DACH1: variants seen among roughly 807,000 people sequenced by gnomAD.
DACH1 encodes dachshund family transcription factor 1.
Under a neutral mutation model 54.2 loss-of-function variants are expected in DACH1, and 12 were observed. The ratio of observed to expected loss-of-function variants is 0.22; its 90% CI spans 0.14 to 0.36. The LOEUF (loss-of-function observed/expected upper bound fraction) is 0.36, where lower values mean the gene tolerates loss of function less well. Among genes scored for constraint, DACH1 ranks in the 10% least tolerant of loss-of-function variants. The probability of loss-of-function intolerance (pLI) is 1.00; values close to 1 mark genes in which losing one functional copy is unlikely to be tolerated. For synonymous variants in DACH1, 386 were observed against 366.2 expected (o/e 1.05, Z -0.62); for missense variants, 805 against 929.8 (o/e 0.87, Z 1.75).
chr13:71,541,497 T>A (rs1475993896), intron 6 of DACH1, among the ~76,000 whole-genome samples: 1 of 152,210 alleles, frequency 6.6e-6, no homozygotes, highest in Non-Finnish European at 1.5e-5. Flanking sequence ...AGAAATAAAT[T>A]CATTGCTTGA....
chr13:71,598,019 A>G (rs1341950150), intron 3 of DACH1, among the ~76,000 whole-genome samples: 5 of 151,346 alleles, frequency 3.3e-5, no homozygotes, highest in African/African-American at 1.2e-4. Flanking sequence ...GGCAGAGGTT[A>G]CAGTGAGCCC....
intron 7 of DACH1, 88 bp downstream of exon 7, chr13:71,488,909 T>A (rs1878758668): frequency 7.8e-7 from 1 of 1,282,852 alleles, no homozygotes; most frequent in Admixed American, 2.2e-5. Flanking sequence ...TCTAATGGGA[T>A]TAAGTAGGAA....
At chr13:71,628,664 T>C (rs755313894) in intron 3 of DACH1, among the ~76,000 whole-genome samples, 6 of 152,008 alleles carry the variant, frequency 3.9e-5, no homozygotes, top group Non-Finnish European at 7.4e-5. Flanking sequence ...CAAAAGAAAA[T>C]TCAAATTGTT....
At chr13:71,750,865 A>T (rs1320493856) in intron 1 of DACH1, among the ~76,000 whole-genome samples, 1 of 152,204 alleles carries the variant, frequency 6.6e-6, no homozygotes, top group African/African-American at 2.4e-5. Flanking sequence ...AAACACACAC[A>T]TTGTTGTCCA....
chr13:71,557,294 A>G (rs1884317931), intron 5 of DACH1, 136 bp from the exon 6 acceptor site: 1 of 584,850 alleles, frequency 1.7e-6, no homozygotes, highest in South Asian at 7.2e-5. Flanking sequence ...CTTTAAATTT[A>G]TAATCTATCC....
intron 1 of DACH1, among the ~76,000 whole-genome samples, chr13:71,852,901 A>G (rs1873765131): frequency 6.6e-6 from 1 of 152,190 alleles, no homozygotes; most frequent in African/African-American, 2.4e-5. Context: ...TATTCAGCAT[A>G]TCAATCCTAA....
chr13:71,612,821 A>C (rs973459286), intron 3 of DACH1, among the ~76,000 whole-genome samples: 4 of 152,252 alleles, frequency 2.6e-5, no homozygotes, highest in African/African-American at 7.2e-5. Flanking sequence ...AAGCATCTAG[A>C]GGAATTCCAT....
chr13:71,776,558 A>C (rs1886073209), intron 1 of DACH1, among the ~76,000 whole-genome samples: 1 of 152,140 alleles, frequency 6.6e-6, no homozygotes, highest in South Asian at 2.1e-4. Flanking sequence ...TGCTATAATA[A>C]GCAATAAAAA....
intron 1 of DACH1, among the ~76,000 whole-genome samples, chr13:71,711,022 C>G (rs751178732): frequency 6.6e-6 from 1 of 152,042 alleles, no homozygotes; most frequent in Non-Finnish European, 1.5e-5. Flanking sequence ...AATTATGTCT[C>G]TTTATTGATG....
At chr13:71,761,660 G>A (rs1461194149) in intron 1 of DACH1, among the ~76,000 whole-genome samples, 3 of 152,084 alleles carry the variant, frequency 2.0e-5, no homozygotes, top group African/African-American at 4.8e-5. Context: ...TTAAATGCAG[G>A]TTTTGATCCA....
intron 7 of DACH1, among the ~76,000 whole-genome samples, chr13:71,486,187 A>G (rs1878487675): frequency 6.6e-6 from 1 of 151,968 alleles, no homozygotes; most frequent in African/African-American, 2.4e-5. Flanking sequence ...ATTGATCATT[A>G]GAACAATAAC....
chr13:71,748,208 T>A (rs1410719022), intron 1 of DACH1, among the ~76,000 whole-genome samples: 8 of 150,808 alleles, frequency 5.3e-5, no homozygotes, highest in Admixed American at 5.3e-4. Flanking sequence ...CAAACAATGT[T>A]GAGGGGGGGA....
chr13:71,759,380 AC>A (rs146059654), intron 1 of DACH1, among the ~76,000 whole-genome samples: 3,539 of 152,026 alleles, frequency 0.023, 130 homozygotes, highest in African/African-American at 0.079. Context: ...ATTCCCCCCA[AC>A]CCCCACGCTG....
intron 9 of DACH1, 88 bp from the exon 10 acceptor site, chr13:71,475,297 C>G: frequency 9.2e-7 from 1 of 1,087,508 alleles, no homozygotes; most frequent in Non-Finnish European, 1.4e-6. Context: ...TACTTTGGTG[C>G]TGAATTAAAA....
rs542652535 is a variant in DACH1, at chr13:71,597,115, T to A, written c.1127-24103A>T. On this transcript the variant is annotated intron_variant, in intron 3 of 10. Coordinates refer to ENST00000613252, the MANE Select transcript of DACH1 (RefSeq NM_080759.6). Reference sequence around the variant, plus strand: ...AATGGTTTACTTCTAAGAATTGGTATAATAAGCTATGATTTTTGTGATGTA... The same window carrying A: ...AATGGTTTACTTCTAAGAATTGGTAAAATAAGCTATGATTTTTGTGATGTA... Among the ~76,000 whole-genome samples the A allele has an allele frequency of 3.5e-4, 53 of 152,322 alleles. No homozygotes were observed. In the South Asian group the frequency reaches 9.5e-3, roughly 27 times the overall value.
At chr13:71,517,257 A>G (rs1373623815) in intron 6 of DACH1, among the ~76,000 whole-genome samples, 1 of 151,918 alleles carries the variant, frequency 6.6e-6, no homozygotes, top group Non-Finnish European at 1.5e-5. Context: ...AAAAATCTCA[A>G]TTAAAATTAC....
intron 1 of DACH1, among the ~76,000 whole-genome samples, chr13:71,852,890 C>T (rs1481851441): frequency 6.6e-6 from 1 of 152,118 alleles, no homozygotes; most frequent in Non-Finnish European, 1.5e-5. Flanking sequence ...TCTGGAACAT[C>T]TATTCAGCAT....
chr13:71,506,450 TACAAAGG>T (rs933420481), intron 6 of DACH1, among the ~76,000 whole-genome samples: 5 of 151,790 alleles, frequency 3.3e-5, no homozygotes, highest in African/African-American at 1.2e-4. Context: ...TCCATGTCCC[TACAAAGG>T]ACATGAACTC....
intron 1 of DACH1, among the ~76,000 whole-genome samples, chr13:71,757,776 G>A (rs183496644): frequency 8.1e-4 from 123 of 152,062 alleles, no homozygotes; most frequent in Non-Finnish European, 1.3e-3. Context: ...GCCCACCTCG[G>A]CCTCCCAACG....
Sources: allele counts gnomAD v4.1 joint callset (sites outside exome capture counted in the v4.1 genomes callset), GRCh38; gene constraint gnomAD v4.1.1; transcripts MANE v1.5; gene names NCBI Gene and HGNC (gene_info 2026-07-23, HGNC 2026-07-21).